RAP1B: variants seen among roughly 807,000 people sequenced by gnomAD.
RAP1B encodes RAP1B, member of RAS oncogene family, also known as ras-related protein Rap-1b.
Under a neutral mutation model 27.5 loss-of-function variants are expected in RAP1B, and 1 was observed. That is an observed-to-expected ratio of 0.04 (90% CI 0.01 to 0.17). RAP1B has a LOEUF of 0.17. Among genes scored for constraint, RAP1B ranks in the 10% least tolerant of loss-of-function variants. The probability of loss-of-function intolerance (pLI) is 1.00; values close to 1 mark genes in which losing one functional copy is unlikely to be tolerated. For missense variants in RAP1B, 84 were observed against 214.8 expected (o/e 0.39, Z 3.81); for synonymous variants, 75 against 73.1 (o/e 1.03, Z -0.13).
chr12:68,666,229 G>GT lies in RAP1B; in HGVS notation c.*6981dup, dbSNP rs1159861142. The stretch of plus-strand genomic sequence containing the variant: ...TAAACTTTATTTTCTCTCAATTTTC[G>GT]TAAGTGGTATTTTGGTGCTTTACCC... On this transcript the variant is annotated 3_prime_UTR_variant, in exon 8 of 8. Coordinates refer to ENST00000250559, the MANE Select transcript of RAP1B (RefSeq NM_001010942.3). The GT allele has an allele frequency of 1.3e-5, 2 of 152,058 alleles. No homozygotes were observed. Among genetic ancestry groups the GT allele is most frequent in the East Asian group, 3.9e-4 (2 of 5,194 alleles). The allele number at this position is 152,058 out of a possible 1,614,324, so 9.4% of individuals were successfully genotyped here. A position where few individuals can be genotyped will look rare whatever the true frequency, so the allele number is the denominator to read the frequency against.
intron 1 of RAP1B, among the ~76,000 whole-genome samples, chr12:68,630,679 G>T (rs1229281997): frequency 1.3e-5 from 2 of 151,496 alleles, no homozygotes; most frequent in African/African-American, 2.4e-5. Flanking sequence ...TTTTGTTTTT[G>T]TTTTTTTGTT....
intron 1 of RAP1B, among the ~76,000 whole-genome samples, chr12:68,632,318 G>C (rs1872328036): frequency 6.6e-6 from 1 of 151,814 alleles, no homozygotes; most frequent in Admixed American, 6.6e-5. Context: ...ATTTTTATTA[G>C]AGACAGGGTT....
At chr12:68,617,562 A>G (rs1378646219) in intron 1 of RAP1B, among the ~76,000 whole-genome samples, 4 of 152,244 alleles carry the variant, frequency 2.6e-5, no homozygotes, top group South Asian at 2.1e-4. Flanking sequence ...TTTAAAATAT[A>G]GAAAAGTATA....
At chr12:68,634,309 T>G (rs115614830) in intron 1 of RAP1B, among the ~76,000 whole-genome samples, 2,976 of 152,308 alleles carry the variant, frequency 0.02, 88 homozygotes, top group African/African-American at 0.067. Context: ...TACTTTTATT[T>G]CCATTTTCAA....
chr12:68,666,174 T>C lies in RAP1B; in HGVS notation c.*6925T>C, dbSNP rs1288282482. On this transcript the variant is annotated 3_prime_UTR_variant, in exon 8 of 8. Transcript: ENST00000250559. ...CAAGTTGTCTTTCAAATATATGCCT[T>C]TGCAGTATTTCTCTACTTCCCCAGT... The C allele has an allele frequency of 6.6e-6, 1 of 152,216 alleles. No individual in the cohort carries two copies. Among genetic ancestry groups the C allele is most frequent in the African/African-American group, 2.4e-5 (1 of 41,444 alleles). The allele number at this position is 152,216 out of a possible 1,614,324, so 9.4% of individuals were successfully genotyped here.
chr12:68,614,571 T>C (rs1870843233), intron 1 of RAP1B, among the ~76,000 whole-genome samples: 1 of 152,200 alleles, frequency 6.6e-6, no homozygotes, highest in South Asian at 2.1e-4. Context: ...GAGACATAGG[T>C]TGTGACTAAA....
rs931355736 is a variant in RAP1B, at chr12:68,657,529, C to T, written c.*30+312C>T. 5 of 171,774 alleles carry T rather than the reference C, an allele frequency of 2.9e-5. No homozygotes were observed. The South Asian group carries it at 4.3e-4, about 15-fold the overall frequency. 10.6% of individuals were successfully genotyped at this position (171,774 alleles called of 1,614,324 possible). A position where few individuals can be genotyped will look rare whatever the true frequency, so the allele number is the denominator to read the frequency against. ...AAGCAATGCTTCTGCCTCAGCCTCC[C>T]GAGTAGCTGGGATTACAGGCACGTG... On this transcript the variant is annotated intron_variant, in intron 7 of 7. Transcript: ENST00000250559.
chr12:68,658,408 C>T (rs1266140228), intron 7 of RAP1B, among the ~76,000 whole-genome samples: 1 of 152,192 alleles, frequency 6.6e-6, no homozygotes, highest in Non-Finnish European at 1.5e-5. Context: ...TGATTGCAAA[C>T]CTCATTCAGA....
intron 3 of RAP1B, chr12:68,650,752 T>C (rs1873755201): frequency 5.4e-6 from 1 of 183,704 alleles, no homozygotes; most frequent in Non-Finnish European, 1.1e-5. Context: ...GTCCCCTACC[T>C]AGCAAGACTG....
chr12:68,629,288 A>T (rs1872062077), intron 1 of RAP1B, among the ~76,000 whole-genome samples: 1 of 152,208 alleles, frequency 6.6e-6, no homozygotes, highest in South Asian at 2.1e-4. Flanking sequence ...CAAATCCTTT[A>T]TCTAAAGACA....
chr12:68,631,155 G>A (rs1872207001), intron 1 of RAP1B, among the ~76,000 whole-genome samples: 1 of 152,056 alleles, frequency 6.6e-6, no homozygotes, highest in Admixed American at 6.6e-5. Context: ...AAATAGGGAA[G>A]CAAAAATGTT....
At chr12:68,617,266 A>G (rs1037413478) in intron 1 of RAP1B, among the ~76,000 whole-genome samples, 2 of 152,172 alleles carry the variant, frequency 1.3e-5, no homozygotes, top group Middle Eastern at 3.2e-3. Context: ...GCTGTTTGTT[A>G]CCTTGTGTTT....
intron 1 of RAP1B, among the ~76,000 whole-genome samples, chr12:68,621,081 A>G (rs530156924): frequency 7.2e-5 from 11 of 152,336 alleles, no homozygotes; most frequent in East Asian, 3.9e-4. Flanking sequence ...CAGTGTTGCA[A>G]AGAACAAAGT....
chr12:68,622,928 C>A (rs1404107689), intron 1 of RAP1B, among the ~76,000 whole-genome samples: 1 of 152,182 alleles, frequency 6.6e-6, no homozygotes, highest in African/African-American at 2.4e-5. Context: ...TCTGGAACTA[C>A]TGGGCTCAAG....
intron 1 of RAP1B, among the ~76,000 whole-genome samples, chr12:68,634,408 A>G (rs1406181356): frequency 1.3e-5 from 2 of 152,198 alleles, no homozygotes; most frequent in Non-Finnish European, 2.9e-5. Context: ...TCTAAAGCCT[A>G]TACTGAGTCA....
In RAP1B at chr12:68,670,134, C is replaced by T. The variant is rs1258325500; in HGVS notation, c.*10885C>T. The stretch of plus-strand genomic sequence containing the variant: ...GTATTTTAGTAGAGATGGGGTTTCT[C>T]CATGTTGGTCAGGCTAGTTGCGAAC... On this transcript the variant is annotated 3_prime_UTR_variant, in exon 8 of 8. Transcript: ENST00000250559. 2 of 151,994 alleles carry T rather than the reference C, an allele frequency of 1.3e-5. No homozygotes were observed. Among genetic ancestry groups the T allele is most frequent in the Non-Finnish European group, 2.9e-5 (2 of 68,108 alleles). 9.4% of individuals were successfully genotyped at this position (151,994 alleles called of 1,614,324 possible).
At chr12:68,622,828 T>G (rs749154925) in intron 1 of RAP1B, among the ~76,000 whole-genome samples, 23 of 152,200 alleles carry the variant, frequency 1.5e-4, no homozygotes, top group Non-Finnish European at 5.9e-5. Flanking sequence ...GGTTTGTCCA[T>G]ATCAATTCCC....
intron 1 of RAP1B, chr12:68,643,007 A>G (rs758734886): frequency 8.3e-5 from 65 of 785,970 alleles, no homozygotes; most frequent in Non-Finnish European, 1.4e-4. Flanking sequence ...GGGATTCTTC[A>G]CCGACCCTGG....
At chr12:68,648,485 T>C (rs907666995) in intron 1 of RAP1B, among the ~76,000 whole-genome samples, 4 of 152,220 alleles carry the variant, frequency 2.6e-5, no homozygotes, top group Non-Finnish European at 5.9e-5. Flanking sequence ...ACCTGTGCTC[T>C]ATCCTGGATC....
Sources: gnomAD v4.1 joint callset for allele counts (sites outside exome capture counted in the v4.1 genomes callset) on GRCh38, gnomAD v4.1.1 for gene constraint, MANE v1.5 for transcripts, NCBI Gene and HGNC (gene_info 2026-07-23, HGNC 2026-07-21) for gene names.